Variants in HLTF observed in about 807,000 individuals in gnomAD.
HLTF encodes the protein helicase like transcription factor.
A neutral mutation model predicts 129.4 loss-of-function variants in HLTF; 127 were observed. That is an observed-to-expected ratio of 0.98 (90% CI 0.85 to 1.14). HLTF has a LOEUF of 1.14. Ranked by LOEUF, HLTF falls within the 50% of genes most tolerant of loss-of-function variation. The pLI, the probability that HLTF is intolerant of heterozygous loss-of-function variation, is 0.00. For synonymous variants in HLTF, 332 were observed against 388.8 expected (o/e 0.85, Z 1.72); for missense variants, 1,139 against 1,187.1 (o/e 0.96, Z 0.60).
intron 14 of HLTF, 77 bp from the exon 15 acceptor site, chr3:149,050,452 C>T: frequency 1.1e-6 from 1 of 939,178 alleles, no homozygotes; most frequent in Non-Finnish European, 1.6e-6. Flanking sequence ...AAAGTAACTG[C>T]CCTGGCAGTA....
At chr3:149,061,430 A>C (rs1717938045) in intron 10 of HLTF, among the ~76,000 whole-genome samples, 1 of 151,938 alleles carries the variant, frequency 6.6e-6, no homozygotes, top group Admixed American at 6.6e-5. Context: ...AAATAAAATA[A>C]AATAAAATAA....
At chr3:149,071,784 T>A (rs553472868) in intron 5 of HLTF, 127 bp from the exon 6 acceptor site, 14 of 659,692 alleles carry the variant, frequency 2.1e-5, no homozygotes, top group Non-Finnish European at 3.4e-5. Flanking sequence ...TGGTGGCTCA[T>A]GCCAATAATC....
At position 149,050,255 on chromosome 3, in the gene HLTF, T is replaced by C; in HGVS notation, c.1594A>G (p.Asn532Asp). ...ACTCCATAGTCATGAGTTAAAATAT[T>C]ATACGTAGTCAAAACAATATCCTGT... is the stretch of plus-strand genomic sequence containing the variant. ...SKQDIVLTTY[N>D]ILTHDYGTKG... Residue 532 changes from asparagine (N) to aspartate (D), a missense_variant, in exon 15 of 25, where the codon AAT becomes GAT. By Grantham distance (23) the Asn-to-Asp change is conservative. Coordinates refer to ENST00000310053, the MANE Select transcript of HLTF (RefSeq NM_003071.4). 8.8e-6 allele frequency: 14 copies of C among 1,590,578 alleles called. No individual in the cohort carries two copies. The highest frequency in any genetic ancestry group is 1.2e-5 in the Non-Finnish European group (14 of 1,160,754).
chr3:149,064,448 C>T (rs1195406888), intron 9 of HLTF, among the ~76,000 whole-genome samples: 1 of 152,164 alleles, frequency 6.6e-6, no homozygotes, highest in Non-Finnish European at 1.5e-5. Flanking sequence ...CTGCTGTTAT[C>T]CATGCATATT....
chr3:149,037,088 C>T (rs1328220136), intron 23 of HLTF, among the ~76,000 whole-genome samples: 1 of 152,164 alleles, frequency 6.6e-6, no homozygotes, highest in Non-Finnish European at 1.5e-5. Flanking sequence ...TAATATTCAA[C>T]AATCTATAGT....
intron 18 of HLTF, among the ~76,000 whole-genome samples, chr3:149,044,829 A>G (rs1459490668): frequency 6.6e-6 from 1 of 152,068 alleles, no homozygotes; most frequent in African/African-American, 2.4e-5. Flanking sequence ...TACGTTCACA[A>G]TTTAACAGAA....
chr3:149,040,442 A>AG (rs1350311346), intron 20 of HLTF, among the ~76,000 whole-genome samples: 2 of 151,940 alleles, frequency 1.3e-5, no homozygotes, highest in South Asian at 2.1e-4. Context: ...GTTTAAAAAA[A>AG]AAATCTATGA....
intron 2 of HLTF, among the ~76,000 whole-genome samples, chr3:149,078,297 G>A (rs1339131652): frequency 1.3e-5 from 2 of 152,304 alleles, no homozygotes; most frequent in African/African-American, 4.8e-5. Context: ...TGTAATCCCA[G>A]CACTTTAGGA....
chr3:149,042,138 A>G, intron 19 of HLTF, 28 bp downstream of exon 19: 12 of 1,598,882 alleles, frequency 7.5e-6, no homozygotes, highest in Non-Finnish European at 9.4e-6. Context: ...GACAAATACA[A>G]TGATATGAAG....
intron 7 of HLTF, among the ~76,000 whole-genome samples, chr3:149,070,479 C>CT (rs1360417173): frequency 6.6e-6 from 1 of 152,198 alleles, no homozygotes; most frequent in African/African-American, 2.4e-5. Context: ...GTACTGCTAT[C>CT]TTTAGCTACC....
chr3:149,065,471 TC>T (rs1241697367), intron 8 of HLTF, among the ~76,000 whole-genome samples: 4 of 151,972 alleles, frequency 2.6e-5, no homozygotes, highest in African/African-American at 9.7e-5. Context: ...ACTTAAAAAA[TC>T]CCCCCTTAGA....
chr3:149,039,280 TAAAAC>T, intron 22 of HLTF, 51 bp from the exon 23 acceptor site: 1 of 1,268,626 alleles, frequency 7.9e-7, no homozygotes, highest in Non-Finnish European at 1.0e-6. Context: ...ATTATAAAAA[TAAAAC>T]AAAGTTAAGT....
At chr3:149,050,139 T>G in intron 15 of HLTF, 93 bp downstream of exon 15, 1 of 701,088 alleles carries the variant, frequency 1.4e-6, no homozygotes, top group East Asian at 3.0e-5. Context: ...AAAAAAAAAG[T>G]ATAAAGCCTG....
chr3:149,046,303 C>T (rs1017489), intron 17 of HLTF, 44 bp from the exon 18 acceptor site: 385,260 of 1,038,256 alleles, frequency 0.37, 76,074 homozygotes, highest in African/African-American at 0.68. Context: ...TTAATTTCTA[C>T]ATAAATTGAT....
intron 20 of HLTF, among the ~76,000 whole-genome samples, chr3:149,040,588 G>A (rs1184722895): frequency 6.6e-6 from 1 of 152,032 alleles, no homozygotes; most frequent in Non-Finnish European, 1.5e-5. Context: ...ACTAGGATCT[G>A]TTAAATCCTA....
chr3:149,039,137 C>A lies in HLTF; in HGVS notation c.2708G>T (p.Gly903Val), dbSNP rs1212060177. The change falls in exon 23 of 25, where the codon GGA (glycine) becomes GTA (valine). Residue 903 changes from glycine to valine, a missense_variant. Physicochemically the swap from Gly to Val is moderately radical, Grantham distance 109. Coordinates refer to ENST00000310053, the MANE Select transcript of HLTF (RefSeq NM_003071.4). The stretch of plus-strand genomic sequence containing the variant: ...GGACAGAAGCATTATAGTTGGAGAT[C>A]CTGCTTCAGTGTTTTGAAAACACTG... ...SIQCFQNTEA[G>V]SPTIMLLSLK... 1 of 1,612,232 alleles carries A rather than the reference C, an allele frequency of 6.2e-7. No individual in the cohort carries two copies. Among genetic ancestry groups the A allele is most frequent in the Non-Finnish European group, 8.5e-7 (1 of 1,178,972 alleles).
At position 149,039,984 on chromosome 3, in the gene HLTF, T is replaced by C. The variant is rs1387816710; in HGVS notation, c.2502+47A>G. 2.6e-6 allele frequency: 4 copies of C among 1,527,556 alleles called. No individual in the cohort carries two copies. In the East Asian group the frequency reaches 6.8e-5, roughly 26 times the overall value. 94.6% of individuals were successfully genotyped at this position (1,527,556 alleles called of 1,614,324 possible). On this transcript the variant is annotated intron_variant, in intron 21 of 24. Coordinates refer to ENST00000310053, the MANE Select transcript of HLTF (RefSeq NM_003071.4). Reference sequence around the variant, plus strand: ...TTGATATACTGTGTATATTTCCTTATATAAAGGTAAAACAAATACTCAAAT... The same window carrying C: ...TTGATATACTGTGTATATTTCCTTACATAAAGGTAAAACAAATACTCAAAT...
At chr3:149,086,173 C>T (rs772092362) in intron 1 of HLTF, 144 bp downstream of exon 1, 44 of 866,822 alleles carry the variant, frequency 5.1e-5, no homozygotes, top group Middle Eastern at 2.1e-4. Flanking sequence ...TTTATTTCTC[C>T]GGCGGCCACA....
At chr3:149,054,752 G>A (rs1457020031) in intron 14 of HLTF, among the ~76,000 whole-genome samples, 2 of 152,148 alleles carry the variant, frequency 1.3e-5, no homozygotes, top group Non-Finnish European at 2.9e-5. Flanking sequence ...AAATGTTGGA[G>A]ACTATATACA....
Sources: allele counts gnomAD v4.1 joint callset (sites outside exome capture counted in the v4.1 genomes callset), GRCh38; gene constraint gnomAD v4.1.1; transcripts MANE v1.5; gene names NCBI Gene and HGNC (gene_info 2026-07-23, HGNC 2026-07-21).